MORN3: variants seen among roughly 807,000 people sequenced by gnomAD.
MORN3 encodes the protein MORN repeat-containing protein 3.
In MORN3, 38 loss-of-function variants were observed where a neutral mutation model predicts 34.7. The ratio of observed to expected loss-of-function variants is 1.10; its 90% CI spans 0.85 to 1.44. The LOEUF is 1.44. Ranked by LOEUF, MORN3 falls within the 40% of genes most tolerant of loss-of-function variation. The pLI is 0.00. For synonymous variants in MORN3, 109 were observed against 115.3 expected (o/e 0.95, Z 0.35); for missense variants, 311 against 321.7 (o/e 0.97, Z 0.25).
chr12:121,650,815 A>C lies in MORN3; in HGVS notation c.*836T>G, dbSNP rs1242287314. The C allele has an allele frequency of 6.6e-6, 1 of 151,982 alleles. No homozygotes were observed. Among genetic ancestry groups the C allele is most frequent in the Admixed American group, 6.6e-5 (1 of 15,222 alleles). 9.4% of individuals were successfully genotyped at this position (151,982 alleles called of 1,614,324 possible). A position where few individuals can be genotyped will look rare whatever the true frequency, so the allele number is the denominator to read the frequency against. Reference sequence around the variant, plus strand: ...CACTGCATTCCAGCCTGGGCAATAGAGGGAGACTACGTCTTAAAAAAAAAA... The same window carrying C: ...CACTGCATTCCAGCCTGGGCAATAGCGGGAGACTACGTCTTAAAAAAAAAA... On this transcript the variant is annotated 3_prime_UTR_variant, in exon 6 of 6. Transcript: ENST00000355329.
At chr12:121,661,649 G>A (rs147769458) in intron 1 of MORN3, among the ~76,000 whole-genome samples, 9 of 152,238 alleles carry the variant, frequency 5.9e-5, no homozygotes, top group Non-Finnish European at 1.0e-4. Flanking sequence ...GCCGAGGCGC[G>A]CTGATCACTT....
At chr12:121,670,296 T>C (rs532945585), upstream of MORN3, among the ~76,000 whole-genome samples, 3 of 152,074 alleles carry the variant, frequency 2.0e-5, no homozygotes, top group Non-Finnish European at 4.4e-5. Context: ...GGGGAAACAA[T>C]CTCAGGTCCT....
intron 3 of MORN3, 62 bp from the exon 4 acceptor site, chr12:121,653,321 G>A: frequency 6.5e-7 from 1 of 1,541,884 alleles, no homozygotes; most frequent in Admixed American, 1.9e-5. Context: ...ACCCCCAGGG[G>A]TCGCTCTTCC....
At chr12:121,671,013 A>G (rs1051051815), upstream of MORN3, among the ~76,000 whole-genome samples, 11 of 150,712 alleles carry the variant, frequency 7.3e-5, no homozygotes, top group Admixed American at 4.6e-4. Flanking sequence ...CGGGAGGCTG[A>G]GGCAGGAGAA....
At chr12:121,669,205 G>A in intron 1 of MORN3, 134 bp downstream of exon 1, 2 of 1,198,610 alleles carry the variant, frequency 1.7e-6, no homozygotes. Context: ...GCTGGCCTGG[G>A]CCAGCGCTCA....
upstream of MORN3, among the ~76,000 whole-genome samples, chr12:121,670,179 TC>T: frequency 6.6e-6 from 1 of 151,946 alleles, no homozygotes; most frequent in Non-Finnish European, 1.5e-5. Flanking sequence ...CAAATATGAA[TC>T]CAAAATATGA....
At chr12:121,659,489 T>G (rs1893516320) in intron 1 of MORN3, 141 bp from the exon 2 acceptor site, 7 of 723,912 alleles carry the variant, frequency 9.7e-6, no homozygotes, top group African/African-American at 1.8e-5. Flanking sequence ...AGACACCAAG[T>G]ACCCAGGAGA....
chr12:121,661,422 T>C (rs1175661936), intron 1 of MORN3, among the ~76,000 whole-genome samples: 3 of 152,148 alleles, frequency 2.0e-5, no homozygotes, highest in Non-Finnish European at 4.4e-5. Context: ...GAATAAAATA[T>C]TTGTGGAGTA....
Position 121,665,997 on chromosome 12 carries a change from G to T in MORN3, c.145+3342C>A, listed in dbSNP as rs1023663839. Among the ~76,000 whole-genome samples, 12 of 152,024 alleles carry T rather than the reference G, an allele frequency of 7.9e-5. No homozygotes were observed. In the South Asian group the frequency reaches 2.1e-3, roughly 26 times the overall value. On this transcript the variant is annotated intron_variant, in intron 1 of 5. Coordinates refer to ENST00000355329, the MANE Select transcript of MORN3 (RefSeq NM_173855.5). ...GATGGAAGAGCTGAGAGTCTGCACA[G>T]GACACAGTGAGGCAAACCAAAACTT...
At chr12:121,672,193 T>C (rs1480113292), upstream of MORN3, among the ~76,000 whole-genome samples, 1 of 151,548 alleles carries the variant, frequency 6.6e-6, no homozygotes, top group Non-Finnish European at 1.5e-5. Context: ...GCATGGGGGC[T>C]GCCGCCTGCA....
chr12:121,658,358 G>A (rs1000970157), intron 2 of MORN3, among the ~76,000 whole-genome samples: 5 of 151,920 alleles, frequency 3.3e-5, no homozygotes, highest in Non-Finnish European at 7.4e-5. Context: ...CGAGGTCAGG[G>A]GATGGAGACC....
intron 4 of MORN3, 28 bp from the exon 5 acceptor site, chr12:121,652,836 T>G: frequency 6.2e-7 from 1 of 1,611,518 alleles, no homozygotes; most frequent in Non-Finnish European, 8.5e-7. Flanking sequence ...GAAGTTGGTT[T>G]GGAGAGCATG....
At chr12:121,665,764 CAAAAAAAAAA>C (rs59071462) in intron 1 of MORN3, among the ~76,000 whole-genome samples, 2 of 50,582 alleles carry the variant, frequency 4.0e-5, no homozygotes, top group Non-Finnish European at 7.7e-5. Context: ...GACTCTGTCT[CAAAAAAAAAA>C]AAAAAAAAAA....
intron 1 of MORN3, among the ~76,000 whole-genome samples, chr12:121,667,550 C>T (rs1893804590): frequency 6.6e-6 from 1 of 151,844 alleles, no homozygotes; most frequent in Non-Finnish European, 1.5e-5. Context: ...CCACTGTCCC[C>T]GGCCTGCAAC....
rs1158032517 is a variant in MORN3, at chr12:121,667,506, C to T, written c.145+1833G>A. 4.6e-5 allele frequency among the ~76,000 whole-genome samples: 7 copies of T among 152,218 alleles called. No homozygotes were observed. The East Asian group carries it at 5.8e-4, about 13-fold the overall frequency. On this transcript the variant is annotated intron_variant, in intron 1 of 5. Coordinates refer to ENST00000355329, the MANE Select transcript of MORN3 (RefSeq NM_173855.5). ...CTGACCTCAAGTGATCTGCCTGCCT[C>T]GGCCTCTCAAAGTGCTGGGATTACA...
intron 1 of MORN3, 44 bp downstream of exon 1, chr12:121,669,295 G>A: frequency 6.2e-7 from 1 of 1,607,444 alleles, no homozygotes; most frequent in Non-Finnish European, 8.5e-7. Flanking sequence ...TGCCCACTGT[G>A]GCTCTGACCC....
intron 1 of MORN3, among the ~76,000 whole-genome samples, chr12:121,667,410 G>A (rs1471056332): frequency 6.7e-6 from 1 of 150,244 alleles, no homozygotes; most frequent in African/African-American, 2.5e-5. Context: ...TTCACCACTC[G>A]ATCCAGCTAA....
upstream of MORN3, among the ~76,000 whole-genome samples, chr12:121,671,633 G>A (rs1222343712): frequency 6.6e-6 from 1 of 152,044 alleles, no homozygotes; most frequent in Admixed American, 6.6e-5. Flanking sequence ...TGTAATCCCA[G>A]CACTTTGGGA....
chr12:121,653,767 A>G (rs1245844439), intron 3 of MORN3, among the ~76,000 whole-genome samples: 1 of 152,036 alleles, frequency 6.6e-6, no homozygotes, highest in Non-Finnish European at 1.5e-5. Context: ...CTGCCTCCCA[A>G]AGTGCTGGGA....
Sources: gnomAD v4.1 joint callset for allele counts (sites outside exome capture counted in the v4.1 genomes callset) on GRCh38, gnomAD v4.1.1 for gene constraint, MANE v1.5 for transcripts, NCBI Gene and HGNC (gene_info 2026-07-23, HGNC 2026-07-21) for gene names.